Variants in KMT2C observed in about 807,000 individuals in gnomAD.
KMT2C encodes lysine methyltransferase 2C.
A neutral mutation model predicts 507.9 loss-of-function variants in KMT2C; 88 were observed. The observed-to-expected ratio is 0.17, with a 90% confidence interval of 0.15 to 0.21. The LOEUF is 0.21. Among genes scored for constraint, KMT2C ranks in the 10% least tolerant of loss-of-function variants. The probability of loss-of-function intolerance (pLI) is 1.00; values close to 1 mark genes in which losing one functional copy is unlikely to be tolerated. For missense variants in KMT2C, 4,954 were observed against 5,957.8 expected, an observed-to-expected ratio of 0.83 and a Z score of 5.55; for synonymous variants, 2,049 against 2,080.8, an observed-to-expected ratio of 0.98 and a Z score of 0.42.
intron 6 of KMT2C, among the ~76,000 whole-genome samples, chr7:152,277,209 T>G (rs1383596422): frequency 6.6e-6 from 1 of 152,170 alleles, no homozygotes; most frequent in Admixed American, 6.5e-5. Context: ...CTCTAATAAA[T>G]AAGTATTATA....
At chr7:152,383,435 C>T (rs144066817) in intron 1 of KMT2C, among the ~76,000 whole-genome samples, 2 of 151,942 alleles carry the variant, frequency 1.3e-5, no homozygotes, top group Non-Finnish European at 2.9e-5. Flanking sequence ...ATGTTGGTGA[C>T]TCTCACTTTG....
chr7:152,313,587 T>G (rs1444643518), intron 4 of KMT2C, among the ~76,000 whole-genome samples: 3 of 152,070 alleles, frequency 2.0e-5, no homozygotes, highest in Non-Finnish European at 4.4e-5. Context: ...TTAGTGAAAA[T>G]GAGCAAAGAC....
chr7:152,290,499 G>A (rs1263356667), intron 6 of KMT2C, among the ~76,000 whole-genome samples: 3 of 150,234 alleles, frequency 2.0e-5, no homozygotes, highest in Non-Finnish European at 3.0e-5. Flanking sequence ...TAGTAGAGAC[G>A]GGGTTTCACA....
intron 1 of KMT2C, among the ~76,000 whole-genome samples, chr7:152,378,178 G>A (rs2097343598): frequency 6.6e-6 from 1 of 152,210 alleles, no homozygotes; most frequent in African/African-American, 2.4e-5. Context: ...TTAAAGCAGT[G>A]TTTGAGCTGA....
chr7:152,289,948 G>A (rs2096380267), intron 6 of KMT2C, among the ~76,000 whole-genome samples: 1 of 151,966 alleles, frequency 6.6e-6, no homozygotes, highest in Non-Finnish European at 1.5e-5. Context: ...TCAGGAGGCT[G>A]AGGCATGAGC....
intron 52 of KMT2C, 135 bp from the exon 53 acceptor site, chr7:152,146,870 C>G: frequency 1.2e-6 from 1 of 832,716 alleles, no homozygotes; most frequent in South Asian, 1.9e-5. Flanking sequence ...TCTAATAAAT[C>G]TGTTTGGTAA....
In KMT2C at chr7:152,335,636, G is replaced by A. The variant is rs2096926920; in HGVS notation, c.251-4897C>T. On this transcript the variant is annotated intron_variant, in intron 2 of 58. Coordinates refer to ENST00000262189, the MANE Select transcript of KMT2C (RefSeq NM_170606.3). The stretch of plus-strand genomic sequence containing the variant: ...TCCAGTCAAAAATTTCCTTCTCCTA[G>A]CGAAGTATATAACAGTTTCAGCTTT... Among the ~76,000 whole-genome samples the A allele has an allele frequency of 2.6e-5, 4 of 152,152 alleles. No homozygotes were observed. The South Asian group carries it at 8.3e-4, about 32-fold the overall frequency.
chr7:152,428,348 C>T (rs1222150053), intron 1 of KMT2C, among the ~76,000 whole-genome samples: 4 of 150,774 alleles, frequency 2.7e-5, no homozygotes, highest in African/African-American at 9.8e-5. Context: ...TGCGGTGGCT[C>T]ATGCCTGTAA....
At chr7:152,324,628 C>A (rs186421105) in intron 3 of KMT2C, among the ~76,000 whole-genome samples, 2 of 151,698 alleles carry the variant, frequency 1.3e-5, no homozygotes, top group Non-Finnish European at 2.9e-5. Flanking sequence ...GAAAAAAAAT[C>A]TTTGAATTGA....
chr7:152,258,366 GT>G (rs1192293002), intron 9 of KMT2C, among the ~76,000 whole-genome samples: 6 of 152,226 alleles, frequency 3.9e-5, no homozygotes. Flanking sequence ...AGTTTAACAT[GT>G]GAAAGAAGTG....
intron 2 of KMT2C, among the ~76,000 whole-genome samples, chr7:152,355,069 G>C (rs1447653301): frequency 6.6e-6 from 1 of 152,192 alleles, no homozygotes; most frequent in Non-Finnish European, 1.5e-5. Context: ...AGGGGTCAAA[G>C]TAATTGAATC....
At chr7:152,321,519 A>C (rs1395995606) in intron 3 of KMT2C, among the ~76,000 whole-genome samples, 1 of 151,838 alleles carries the variant, frequency 6.6e-6, no homozygotes, top group Non-Finnish European at 1.5e-5. Flanking sequence ...TATATGGAAA[A>C]CCCTAAAGAC....
chr7:152,168,912 C>T (rs1272843844), intron 41 of KMT2C, among the ~76,000 whole-genome samples: 1 of 152,144 alleles, frequency 6.6e-6, no homozygotes, highest in Non-Finnish European at 1.5e-5. Context: ...AATCTGTATA[C>T]AAAAACAGCA....
At chr7:152,304,258 T>G (rs553853009) in intron 6 of KMT2C, among the ~76,000 whole-genome samples, 1 of 152,342 alleles carries the variant, frequency 6.6e-6, no homozygotes, top group South Asian at 2.1e-4. Flanking sequence ...TAAAATGATC[T>G]AATTAGAAGT....
At chr7:152,396,653 A>C (rs889496261) in intron 1 of KMT2C, among the ~76,000 whole-genome samples, 3 of 152,250 alleles carry the variant, frequency 2.0e-5, no homozygotes, top group African/African-American at 7.2e-5. Context: ...CTAGGAACAA[A>C]GTGCCAAAGT....
At position 152,174,160 on chromosome 7, in the gene KMT2C, A is replaced by G; in HGVS notation, c.9345T>C (p.Asn3115=). 2 of 1,609,838 alleles carry G rather than the reference A, an allele frequency of 1.2e-6. No individual in the cohort carries two copies. Among genetic ancestry groups the G allele is most frequent in the Middle Eastern group, 1.7e-4 (1 of 6,052 alleles). The change falls in exon 39 of 59, where the codon AAT becomes AAC. Residue 3115 remains asparagine (N), a synonymous_variant. Transcript: ENST00000262189. ...KGINKVMAQN[N]LGMPPMVMSR... ...TCATCACCATTGGTGGCATGCCCAGATTGTTTTGTGCCATCACTTTATTTA... is the reference window on the plus strand; with the variant it reads ...TCATCACCATTGGTGGCATGCCCAGGTTGTTTTGTGCCATCACTTTATTTA...
rs749008068 is a variant in KMT2C, at chr7:152,181,678, G to A, written c.6182C>T (p.Ser2061Leu). 14 of 1,614,026 alleles carry A rather than the reference G, an allele frequency of 8.7e-6. 1 individual carries two copies. Among genetic ancestry groups the A allele is most frequent in the East Asian group, 2.2e-5 (1 of 44,896 alleles). The change falls in exon 36 of 59, where the codon TCA (serine) becomes TTA (leucine). Residue 2061 changes from serine to leucine, a missense_variant. Ser to Leu is a moderately radical substitution (Grantham distance 145). This residue lies in a region of KMT2C where 1,689 missense variants were observed against 1,654.3 expected (regional missense o/e 1.02). Transcript: ENST00000262189. The part of the protein sequence containing the change: ...PSSQDPYGSV[S>L]QASRRLSVDP... ...AACAGACAATCGCCTTGATGCCTGT[G>A]ACACTGATCCATAAGGATCCTGAGA...
intron 6 of KMT2C, among the ~76,000 whole-genome samples, chr7:152,286,368 G>A (rs2096297320): frequency 6.6e-6 from 1 of 152,398 alleles, no homozygotes; most frequent in African/African-American, 2.4e-5. Flanking sequence ...GCACATCATA[G>A]TCAGACTGCT....
chr7:152,212,722 C>A (rs568965957), intron 23 of KMT2C, among the ~76,000 whole-genome samples: 1 of 152,284 alleles, frequency 6.6e-6, no homozygotes, highest in Non-Finnish European at 1.5e-5. Context: ...ATATACTAAA[C>A]ACTATAAAAT....
Sources: allele counts gnomAD v4.1 joint callset (sites outside exome capture counted in the v4.1 genomes callset), GRCh38; gene constraint gnomAD v4.1.1; regional missense constraint gnomAD v4.1.1; transcripts MANE v1.5; gene names NCBI Gene and HGNC (gene_info 2026-07-23, HGNC 2026-07-21).